F8: variants seen among roughly 807,000 people sequenced by gnomAD.
The protein encoded by F8 is coagulation factor VIII.
A neutral mutation model predicts 140.6 loss-of-function variants in F8; 12 were observed. The ratio of observed to expected loss-of-function variants is 0.09; its 90% confidence interval spans 0.05 to 0.14. The LOEUF is 0.14. Ranked by LOEUF, F8 falls within the 10% of genes least tolerant of loss-of-function variation. The probability of loss-of-function intolerance (pLI) is 1.00; values close to 1 mark genes in which losing one functional copy is unlikely to be tolerated. For synonymous variants in F8, 585 were observed against 614.6 expected (o/e 0.95, Z 0.71); for missense variants, 1,354 against 1,720.7 (o/e 0.79, Z 3.77).
At chrX:154,976,277 A>C (rs1449652317) in intron 6 of F8, among the ~76,000 whole-genome samples, 4 of 111,476 alleles carry the variant, frequency 3.6e-5, no homozygotes, top group African/African-American at 1.3e-4. Flanking sequence ...TTTTGTTTAC[A>C]TGTGCATGGA....
chrX:154,925,351 C>T (rs782065484), intron 14 of F8, among the ~76,000 whole-genome samples: 1 of 112,109 alleles, frequency 8.9e-6, no homozygotes, highest in East Asian at 2.8e-4. Context: ...CTCAGGGCAC[C>T]CACACAGAGT....
chrX:154,909,198 G>A, intron 14 of F8: 1 of 188,355 alleles, frequency 5.3e-6, no homozygotes. Flanking sequence ...CTGGAGCAAA[G>A]CTGACCAATC....
intron 3 of F8, among the ~76,000 whole-genome samples, chrX:154,995,549 G>A (rs1430648728): frequency 8.9e-6 from 1 of 111,929 alleles, no homozygotes; most frequent in Non-Finnish European, 1.9e-5. Context: ...TTGGACAGAA[G>A]AACTTGGCCA....
chrX:154,996,661 A>G (rs2073618859), intron 3 of F8, among the ~76,000 whole-genome samples: 2 of 111,031 alleles, frequency 1.8e-5, no homozygotes. Context: ...ATATTCAGAA[A>G]AGCAATTCCT....
chrX:155,000,434 G>A (rs2073640327), intron 1 of F8, among the ~76,000 whole-genome samples: 1 of 112,078 alleles, frequency 8.9e-6, no homozygotes, highest in Non-Finnish European at 1.9e-5. Context: ...CTTTCTCTAT[G>A]CCATAAAGAG....
At chrX:154,864,176 C>A (rs1363995195) in intron 22 of F8, among the ~76,000 whole-genome samples, 1 of 112,426 alleles carries the variant, frequency 8.9e-6, no homozygotes, top group Non-Finnish European at 1.9e-5. Flanking sequence ...CTTACCTGTG[C>A]CCCCATAACA....
chrX:154,891,039 T>C (rs2072939914), intron 22 of F8, among the ~76,000 whole-genome samples: 1 of 113,025 alleles, frequency 8.8e-6, no homozygotes, highest in Admixed American at 9.3e-5. Flanking sequence ...ACTAACACAC[T>C]ATGACTGACG....
At chrX:154,865,696 C>T (rs1291065016) in intron 22 of F8, among the ~76,000 whole-genome samples, 3 of 99,740 alleles carry the variant, frequency 3.0e-5, no homozygotes, top group Non-Finnish European at 6.1e-5. Context: ...CCCCCCCGAC[C>T]GCCCCCCCAC....
chrX:154,955,980 C>T (rs900077429), intron 11 of F8, among the ~76,000 whole-genome samples: 4 of 111,843 alleles, frequency 3.6e-5, no homozygotes, highest in South Asian at 3.8e-4. Context: ...CATATTTTAT[C>T]CCTTATCTTC....
intron 3 of F8, 108 bp downstream of exon 3, chrX:154,996,865 A>T: frequency 1.2e-6 from 1 of 839,863 alleles, no homozygotes; most frequent in South Asian, 2.1e-5. Context: ...AATACACATA[A>T]TGTTCAGTTA....
chrX:154,996,732 C>A (rs782569722), intron 3 of F8, among the ~76,000 whole-genome samples: 1 of 112,125 alleles, frequency 8.9e-6, no homozygotes, highest in Non-Finnish European at 1.9e-5. Context: ...GTGTCCACTA[C>A]ACCCTCATTC....
Position 154,969,820 on chromosome X carries a change from C to T in F8, c.788-268G>A, listed in dbSNP as rs782274183. Reference sequence around the variant, plus strand: ...CATTCGTTTTTAAAACTCTCTCTTCCCTTGGCCTCTGTGCCAACATCTCTG... The same window carrying T: ...CATTCGTTTTTAAAACTCTCTCTTCTCTTGGCCTCTGTGCCAACATCTCTG... On this transcript the variant is annotated intron_variant, in intron 6 of 25. Coordinates refer to ENST00000360256, the MANE Select transcript of F8 (RefSeq NM_000132.4). Among the ~76,000 whole-genome samples, 212 of 111,645 alleles carry T rather than the reference C, an allele frequency of 1.9e-3. 1 individual carries two copies. The highest frequency in any genetic ancestry group is 6.4e-3 in the African/African-American group (197 of 30,734).
intron 14 of F8, among the ~76,000 whole-genome samples, chrX:154,916,013 A>C (rs1361315219): frequency 8.9e-6 from 1 of 111,989 alleles, no homozygotes; most frequent in Non-Finnish European, 1.9e-5. Flanking sequence ...TTTTATCATG[A>C]AGGGATGTTG....
At chrX:155,022,244 G>A (rs1326998740) in intron 1 of F8, among the ~76,000 whole-genome samples, 166 bp downstream of exon 1, 2 of 112,032 alleles carry the variant, frequency 1.8e-5, no homozygotes, top group African/African-American at 3.2e-5. Context: ...TTGGCAGTTA[G>A]CATTTCTGCT....
intron 20 of F8, among the ~76,000 whole-genome samples, chrX:154,900,966 A>G (rs2073006758): frequency 8.9e-6 from 1 of 112,907 alleles, no homozygotes; most frequent in Non-Finnish European, 1.9e-5. Flanking sequence ...TTCATAGCTC[A>G]CATGCCATAC....
intron 14 of F8, 97 bp downstream of exon 14, chrX:154,928,474 T>C: frequency 1.3e-6 from 1 of 794,005 alleles, no homozygotes; most frequent in Non-Finnish European, 1.9e-6. Flanking sequence ...TCAAGACACC[T>C]TGATTTTTCA....
chrX:154,969,204 G>T, intron 7 of F8, 127 bp downstream of exon 7: 1 of 637,150 alleles, frequency 1.6e-6, no homozygotes, highest in Non-Finnish European at 2.4e-6. Flanking sequence ...CTTGGCTGAG[G>T]TCTAATACAG....
chrX:154,969,094 A>G (rs1431566220), intron 7 of F8, among the ~76,000 whole-genome samples: 2 of 111,442 alleles, frequency 1.8e-5, no homozygotes, highest in Admixed American at 1.9e-4. Context: ...TCTTTTCTCC[A>G]TCACAGACAT....
intron 25 of F8, among the ~76,000 whole-genome samples, chrX:154,857,586 C>T (rs1211486099): frequency 8.9e-6 from 1 of 112,064 alleles, no homozygotes; most frequent in Admixed American, 9.5e-5. Context: ...GAATTTTAGG[C>T]AGTGTACCTG....
Sources: allele counts gnomAD v4.1 joint callset (sites outside exome capture counted in the v4.1 genomes callset), GRCh38; gene constraint gnomAD v4.1.1; transcripts MANE v1.5; gene names NCBI Gene and HGNC (gene_info 2026-07-23, HGNC 2026-07-21).